Variants in NRG3 observed in about 807,000 individuals in gnomAD.
NRG3 encodes the protein neuregulin 3.
NRG3 carries 31 observed loss-of-function variants against 66.9 expected under a neutral mutation model. The observed-to-expected ratio is 0.46, with a 90% confidence interval of 0.35 to 0.63. The LOEUF is 0.63. NRG3 is among the 20% of genes least tolerant of loss of function. The pLI, the probability that NRG3 is intolerant of heterozygous loss-of-function variation, is 0.00. For synonymous variants in NRG3, 393 were observed against 359.4 expected (o/e 1.09, Z -1.06); for missense variants, 910 against 878.9 (o/e 1.04, Z -0.45).
intron 2 of NRG3, among the ~76,000 whole-genome samples, chr10:82,450,007 T>C (rs2090942217): frequency 6.6e-6 from 1 of 152,180 alleles, no homozygotes. Flanking sequence ...TGTTTGTTTG[T>C]TTTTAAGCAG....
intron 1 of NRG3, among the ~76,000 whole-genome samples, chr10:82,142,237 T>C (rs371060634): frequency 1.4e-4 from 21 of 152,338 alleles, no homozygotes; most frequent in African/African-American, 5.1e-4. Context: ...TGATGACTAT[T>C]GCATTAATTG....
chr10:82,161,382 T>C (rs750782793), intron 1 of NRG3, among the ~76,000 whole-genome samples: 9 of 152,122 alleles, frequency 5.9e-5, no homozygotes, highest in Non-Finnish European at 1.2e-4. Context: ...TTAAGGAGCA[T>C]GAAATCTTGT....
Position 81,959,161 on chromosome 10 carries a change from G to A in NRG3, c.823+82998G>A, listed in dbSNP as rs566021820. Among the ~76,000 whole-genome samples, 4 of 152,254 alleles carry A rather than the reference G, an allele frequency of 2.6e-5. No homozygotes were observed. The South Asian group carries it at 6.2e-4, about 24-fold the overall frequency. Reference sequence around the variant, plus strand: ...TATGAATAAGGAAGAATGTTGCACAGTCACTGATAGTCATCTGATGACAGG... The same window carrying A: ...TATGAATAAGGAAGAATGTTGCACAATCACTGATAGTCATCTGATGACAGG... On this transcript the variant is annotated intron_variant, in intron 1 of 8. Transcript: ENST00000372141.
chr10:82,876,638 G>A (rs540336802), intron 4 of NRG3, among the ~76,000 whole-genome samples: 11 of 152,300 alleles, frequency 7.2e-5, no homozygotes, highest in Admixed American at 6.5e-5. Flanking sequence ...TCAACTGCAC[G>A]TGAGTTGGTA....
At chr10:82,428,303 T>C (rs570968176) in intron 2 of NRG3, among the ~76,000 whole-genome samples, 1 of 152,116 alleles carries the variant, frequency 6.6e-6, no homozygotes, top group African/African-American at 2.4e-5. Context: ...TATTTCTTCT[T>C]TTTTAATATA....
intron 2 of NRG3, among the ~76,000 whole-genome samples, chr10:82,388,491 C>A (rs1220543088): frequency 6.6e-6 from 1 of 151,914 alleles, no homozygotes; most frequent in African/African-American, 2.4e-5. Flanking sequence ...CCTGGATTTC[C>A]CTTTAAAAAT....
chr10:82,490,754 C>T (rs1050415004), intron 2 of NRG3, among the ~76,000 whole-genome samples: 25 of 152,120 alleles, frequency 1.6e-4, no homozygotes, highest in Non-Finnish European at 3.5e-4. Context: ...AAACCTGCTT[C>T]ACCAGCTGCC....
chr10:82,445,497 G>A (rs1264421070), intron 2 of NRG3, among the ~76,000 whole-genome samples: 1 of 152,168 alleles, frequency 6.6e-6, no homozygotes, highest in East Asian at 1.9e-4. Flanking sequence ...GCCTTCTTAG[G>A]GGCTCTCTGT....
intron 1 of NRG3, among the ~76,000 whole-genome samples, chr10:81,881,363 T>C (rs1276081159): frequency 6.6e-6 from 1 of 152,174 alleles, no homozygotes; most frequent in Non-Finnish European, 1.5e-5. Context: ...AAAAAAATAC[T>C]CCTTTAGGGA....
rs190913711 is a variant in NRG3, at chr10:82,870,748, C to G, written c.1054+5311C>G. ...ATATTTTCTTTAGTAAGGTGTCTGC[C>G]AAGGTCTTTGGCCCATTTTTTAATC... On this transcript the variant is annotated intron_variant, in intron 4 of 8. Transcript: ENST00000372141. 2.6e-5 allele frequency among the ~76,000 whole-genome samples: 4 copies of G among 152,256 alleles called. No homozygotes were observed. The East Asian group carries it at 7.7e-4, about 29-fold the overall frequency.
chr10:82,098,156 T>C (rs1469798070), intron 1 of NRG3, among the ~76,000 whole-genome samples: 1 of 151,360 alleles, frequency 6.6e-6, no homozygotes, highest in African/African-American at 2.4e-5. Flanking sequence ...AGATGTCATG[T>C]ATGTATATGT....
chr10:81,935,967 G>A (rs1847826954), intron 1 of NRG3, among the ~76,000 whole-genome samples: 1 of 151,574 alleles, frequency 6.6e-6, no homozygotes, highest in Non-Finnish European at 1.5e-5. Context: ...CTCTCTGGGG[G>A]GAAGGAACTG....
At position 82,044,417 on chromosome 10, in the gene NRG3, A is replaced by T. The variant is rs777385424; in HGVS notation, c.823+168254A>T. On this transcript the variant is annotated intron_variant, in intron 1 of 8. Coordinates refer to ENST00000372141, the MANE Select transcript of NRG3 (RefSeq NM_001010848.4). Reference sequence around the variant, plus strand: ...ACAATGTAGACATGCCAACAAAACTAACATGCACATCTAAGGGATGTGAGA... The same window carrying T: ...ACAATGTAGACATGCCAACAAAACTTACATGCACATCTAAGGGATGTGAGA... Among the ~76,000 whole-genome samples the T allele has an allele frequency of 2.0e-4, 30 of 151,942 alleles. 1 individual carries two copies. The highest frequency in any genetic ancestry group is 1.3e-4 in the Admixed American group (2 of 15,200).
chr10:82,208,963 C>T (rs1446265716), intron 1 of NRG3, among the ~76,000 whole-genome samples: 1 of 152,052 alleles, frequency 6.6e-6, no homozygotes, highest in African/African-American at 2.4e-5. Flanking sequence ...ACCAGAATCT[C>T]TCTTCTTACA....
intron 2 of NRG3, among the ~76,000 whole-genome samples, chr10:82,473,577 G>C (rs1841476463): frequency 6.6e-6 from 1 of 152,110 alleles, no homozygotes; most frequent in East Asian, 1.9e-4. Context: ...ACCCAATCAT[G>C]GAAAAGCCAC....
chr10:82,983,502 C>A (rs1335533081), intron 8 of NRG3, among the ~76,000 whole-genome samples: 4 of 152,142 alleles, frequency 2.6e-5, no homozygotes, highest in African/African-American at 9.7e-5. Context: ...GATAGTCGTT[C>A]ATTAGCAACC....
At chr10:82,568,310 T>G (rs1002783997) in intron 2 of NRG3, among the ~76,000 whole-genome samples, 3 of 152,052 alleles carry the variant, frequency 2.0e-5, no homozygotes, top group Non-Finnish European at 2.9e-5. Flanking sequence ...GTGAGCTACC[T>G]ATCAGCTGAA....
At chr10:82,159,666 T>G (rs2071434061) in intron 1 of NRG3, among the ~76,000 whole-genome samples, 1 of 151,920 alleles carries the variant, frequency 6.6e-6, no homozygotes, top group African/African-American at 2.4e-5. Flanking sequence ...TTCGTTAGTT[T>G]TTTAGTCCCA....
chr10:82,700,133 A>G (rs1391577363), intron 2 of NRG3, among the ~76,000 whole-genome samples: 1 of 152,250 alleles, frequency 6.6e-6, no homozygotes. Flanking sequence ...CTTGACAGAC[A>G]TTGTGAGTGA....
Sources: gnomAD v4.1 joint callset for allele counts (sites outside exome capture counted in the v4.1 genomes callset) on GRCh38, gnomAD v4.1.1 for gene constraint, MANE v1.5 for transcripts, NCBI Gene and HGNC (gene_info 2026-07-23, HGNC 2026-07-21) for gene names.